The following RBMS1 variants were observed in gnomAD, a reference collection of about 807,000 sequenced individuals.
RBMS1 encodes the protein RNA binding motif single stranded interacting protein 1.
In RBMS1, 17 loss-of-function variants were observed where a neutral mutation model predicts 62.3. That is an observed-to-expected ratio of 0.27 (90% CI 0.19 to 0.41). RBMS1 has a LOEUF of 0.41. RBMS1 is among the 10% of genes least tolerant of loss of function. RBMS1 has a pLI of 1.00. For synonymous variants in RBMS1, 172 were observed against 170.0 expected (o/e 1.01, Z -0.09); for missense variants, 334 against 504.5 (o/e 0.66, Z 3.24).
At position 160,278,674 on chromosome 2, in the gene RBMS1, CAG is replaced by C; in HGVS notation, c.952-18_952-17del. 1 of 1,560,860 alleles carries C rather than the reference CAG, an allele frequency of 6.4e-7. No homozygotes were observed. The highest frequency in any genetic ancestry group is 8.8e-7 in the Non-Finnish European group (1 of 1,139,674). On this transcript the variant is annotated splice_polypyrimidine_tract_variant and intron_variant, in intron 10 of 13. Transcript: ENST00000348849. ...ACACGGCACCCTGGGGAGTTGGAGA[CAG>C]GAGCAAAATTAGACAAACTGAGGCA...
At chr2:160,407,740 A>G in intron 1 of RBMS1, 1 of 980,756 alleles carries the variant, frequency 1.0e-6, no homozygotes, top group Admixed American at 6.3e-5. Context: ...GCCTAAAAGT[A>G]CGGCGCGGCA....
intron 6 of RBMS1, among the ~76,000 whole-genome samples, chr2:160,290,080 C>G (rs1210200827): frequency 1.5e-5 from 2 of 136,604 alleles, no homozygotes; most frequent in Non-Finnish European, 3.2e-5. Context: ...GAGCGTGTTA[C>G]AAAATGAGAG....
At chr2:160,318,292 C>T in intron 2 of RBMS1, 65 bp from the exon 3 acceptor site, 1 of 1,458,116 alleles carries the variant, frequency 6.9e-7, no homozygotes, top group Non-Finnish European at 9.0e-7. Flanking sequence ...TATAAGGAAC[C>T]CTTATTAATG....
chr2:160,396,549 T>A, intron 1 of RBMS1, among the ~76,000 whole-genome samples: 1 of 116,478 alleles, frequency 8.6e-6, no homozygotes, highest in Non-Finnish European at 1.7e-5. Flanking sequence ...TTTCTTTTTA[T>A]CTTTTTTTTT....
chr2:160,457,918 C>A (rs916979251), intron 1 of RBMS1, among the ~76,000 whole-genome samples: 4 of 151,556 alleles, frequency 2.6e-5, no homozygotes, highest in Non-Finnish European at 4.4e-5. Context: ...TTCTCTGACT[C>A]ATTTTTAAAA....
chr2:160,459,453 A>C (rs1172276881), intron 1 of RBMS1, among the ~76,000 whole-genome samples: 1 of 152,186 alleles, frequency 6.6e-6, no homozygotes, highest in Non-Finnish European at 1.5e-5. Flanking sequence ...TTAAATCCTT[A>C]ATTCTTAACA....
intron 1 of RBMS1, among the ~76,000 whole-genome samples, chr2:160,442,891 T>C (rs1378767172): frequency 3.3e-5 from 5 of 152,132 alleles, no homozygotes; most frequent in Non-Finnish European, 7.4e-5. Context: ...TGTTTCTTTT[T>C]AAACCCTGCC....
rs1687726295 is a variant in RBMS1, at chr2:160,274,489, C to T, written c.*283G>A. ...TTTTTTTCTTTTTCTTTTTTTGCATCATAACATTTGATAAAAATCTTTTGT... is the reference window on the plus strand; with the variant it reads ...TTTTTTTCTTTTTCTTTTTTTGCATTATAACATTTGATAAAAATCTTTTGT... On this transcript the variant is annotated 3_prime_UTR_variant, in exon 14 of 14. Coordinates refer to ENST00000348849, the MANE Select transcript of RBMS1 (RefSeq NM_016836.4). 6.9e-6 allele frequency: 1 copy of T among 145,086 alleles called. No individual in the cohort carries two copies. The highest frequency in any genetic ancestry group is 2.5e-5 in the African/African-American group (1 of 39,346). 9.0% of individuals were successfully genotyped at this position (145,086 alleles called of 1,614,324 possible). A position where few individuals can be genotyped will look rare whatever the true frequency, so the allele number is the denominator to read the frequency against.
At chr2:160,405,626 C>T (rs1490443692) in intron 1 of RBMS1, among the ~76,000 whole-genome samples, 2 of 152,132 alleles carry the variant, frequency 1.3e-5, no homozygotes, top group African/African-American at 4.8e-5. Context: ...CTTTCTTTGC[C>T]TATAGAAAAA....
At chr2:160,314,260 C>T (rs1690090822) in intron 3 of RBMS1, among the ~76,000 whole-genome samples, 2 of 152,100 alleles carry the variant, frequency 1.3e-5, no homozygotes, top group Admixed American at 1.3e-4. Context: ...TGTGATAATT[C>T]TTAAGTTATT....
chr2:160,446,810 C>T (rs559372430), intron 1 of RBMS1, among the ~76,000 whole-genome samples: 5 of 152,348 alleles, frequency 3.3e-5, no homozygotes, highest in African/African-American at 1.2e-4. Context: ...CCTCTCCCAT[C>T]CCACAAAACG....
At chr2:160,467,862 A>G (rs930042936) in intron 1 of RBMS1, among the ~76,000 whole-genome samples, 1 of 152,170 alleles carries the variant, frequency 6.6e-6, no homozygotes, top group African/African-American at 2.4e-5. Flanking sequence ...CAGCAAGTAG[A>G]CATGTATATC....
intron 13 of RBMS1, 143 bp downstream of exon 13, chr2:160,275,487 T>G (rs1294589754): frequency 7.4e-7 from 1 of 1,347,588 alleles, no homozygotes; most frequent in Non-Finnish European, 9.7e-7. Context: ...ATTTTAATAT[T>G]TCAACAAGAC....
intron 1 of RBMS1, among the ~76,000 whole-genome samples, chr2:160,429,880 A>G (rs1682816988): frequency 6.6e-6 from 1 of 152,224 alleles, no homozygotes; most frequent in Non-Finnish European, 1.5e-5. Flanking sequence ...TGCCTAAGGG[A>G]TGGCCCTGTG....
At chr2:160,471,716 T>TATATATATATATAGATATATAA (rs371634389) in intron 1 of RBMS1, among the ~76,000 whole-genome samples, 1 of 76,234 alleles carries the variant, frequency 1.3e-5, no homozygotes, top group Admixed American at 1.9e-4. Context: ...TATATATATA[T>TATATATATATATAGATATATAA]AACCTTTCAT....
chr2:160,358,382 T>C (rs2106013998), intron 2 of RBMS1, among the ~76,000 whole-genome samples: 1 of 152,284 alleles, frequency 6.6e-6, no homozygotes, highest in South Asian at 2.1e-4. Context: ...ATCGTATAGA[T>C]CACACTTTTC....
chr2:160,493,209 G>A (rs1405562082), intron 1 of RBMS1, 80 bp downstream of exon 1: 26 of 1,347,080 alleles, frequency 1.9e-5, no homozygotes, highest in African/African-American at 2.9e-5. Context: ...TTCGCCGCGC[G>A]CCCCCCTCCC....
chr2:160,307,898 GTTCT>G (rs1689626300), intron 4 of RBMS1, among the ~76,000 whole-genome samples: 1 of 152,118 alleles, frequency 6.6e-6, no homozygotes, highest in Non-Finnish European at 1.5e-5. Flanking sequence ...TATTTGTGGG[GTTCT>G]TTTTCAACTT....
chr2:160,371,651 C>A (rs1693729777), intron 1 of RBMS1, among the ~76,000 whole-genome samples: 1 of 152,212 alleles, frequency 6.6e-6, no homozygotes, highest in Non-Finnish European at 1.5e-5. Context: ...ATTAGACCCT[C>A]AGCCTTTCCT....
Sources: gnomAD v4.1 joint callset for allele counts (sites outside exome capture counted in the v4.1 genomes callset) on GRCh38, gnomAD v4.1.1 for gene constraint, MANE v1.5 for transcripts, NCBI Gene and HGNC (gene_info 2026-07-23, HGNC 2026-07-21) for gene names.